The following KAT2B variants were observed in gnomAD, a reference collection of about 807,000 sequenced individuals.
The protein encoded by KAT2B is lysine acetyltransferase 2B.
KAT2B carries 36 observed loss-of-function variants against 105.9 expected under a neutral mutation model. The observed-to-expected ratio is 0.34, with a 90% CI of 0.26 to 0.45. The LOEUF (loss-of-function observed/expected upper bound fraction) is 0.45. Ranked by LOEUF, KAT2B falls within the 20% of genes least tolerant of loss-of-function variation. The pLI, the probability that KAT2B is intolerant of heterozygous loss-of-function variation, is 1.00. For missense variants in KAT2B, 820 were observed against 1,021.6 expected, an observed-to-expected ratio of 0.80 and a Z score of 2.69; for synonymous variants, 397 against 377.9, an observed-to-expected ratio of 1.05 and a Z score of -0.59.
rs555430852 is a variant in KAT2B, at chr3:20,127,638, A to C, written c.1749+89A>C. Reference sequence around the variant, plus strand: ...GAGCTTGGGAAGATCTCTCTGTGCCATGTCCAGAGAAGGTTCAAAGTGGAG... The same window carrying C: ...GAGCTTGGGAAGATCTCTCTGTGCCCTGTCCAGAGAAGGTTCAAAGTGGAG... On this transcript the variant is annotated intron_variant, in intron 11 of 17. Transcript: ENST00000263754. 53 of 1,253,106 alleles carry C rather than the reference A, an allele frequency of 4.2e-5. 1 individual carries two copies. In the South Asian group the frequency reaches 7.0e-4, roughly 17 times the overall value. The allele number at this position is 1,253,106 out of a possible 1,614,324, so 77.6% of individuals were successfully genotyped here. A position where few individuals can be genotyped will look rare whatever the true frequency, so the allele number is the denominator to read the frequency against.
At chr3:20,086,555 C>T (rs770877886) in intron 2 of KAT2B, among the ~76,000 whole-genome samples, 4 of 152,128 alleles carry the variant, frequency 2.6e-5, no homozygotes, top group South Asian at 2.1e-4. Flanking sequence ...GAGCCAAGAT[C>T]GCACCATTGC....
Sources: allele counts gnomAD v4.1 joint callset (sites outside exome capture counted in the v4.1 genomes callset), GRCh38; gene constraint gnomAD v4.1.1; transcripts MANE v1.5; gene names NCBI Gene and HGNC (gene_info 2026-07-23, HGNC 2026-07-21).